The following KALRN variants were observed in gnomAD, a reference collection of about 807,000 sequenced individuals.
KALRN encodes the protein kalirin RhoGEF kinase, also known as kalirin.
KALRN carries 70 observed loss-of-function variants against 353.7 expected under a neutral mutation model. That is an observed-to-expected ratio of 0.20 (90% CI 0.16 to 0.24). KALRN has a LOEUF of 0.24. Ranked by LOEUF, KALRN falls within the 10% of genes least tolerant of loss-of-function variation. The pLI is 1.00. For missense variants in KALRN, 2,791 were observed against 3,756.7 expected, an observed-to-expected ratio of 0.74 and a Z score of 6.72; for synonymous variants, 1,391 against 1,434.8, an observed-to-expected ratio of 0.97 and a Z score of 0.69.
intron 33 of KALRN, among the ~76,000 whole-genome samples, chr3:124,496,985 G>C (rs1225739301): frequency 6.6e-6 from 1 of 152,190 alleles, no homozygotes; most frequent in East Asian, 1.9e-4. Context: ...GAGACAGGAG[G>C]ACCAGGAAGT....
At chr3:124,249,833 C>T (rs980787809) in intron 3 of KALRN, among the ~76,000 whole-genome samples, 10 of 152,200 alleles carry the variant, frequency 6.6e-5, no homozygotes, top group African/African-American at 1.7e-4. Context: ...CAGGGCTCCC[C>T]GACTCCAGCT....
intron 42 of KALRN, among the ~76,000 whole-genome samples, chr3:124,658,854 C>G (rs373389082): frequency 6.6e-6 from 1 of 152,164 alleles, no homozygotes; most frequent in South Asian, 2.1e-4. Context: ...CCCCAGGGAC[C>G]ACTTACTAAG....
At chr3:124,194,682 C>T (rs1199998405) in intron 1 of KALRN, among the ~76,000 whole-genome samples, 1 of 152,104 alleles carries the variant, frequency 6.6e-6, no homozygotes, top group Non-Finnish European at 1.5e-5. Flanking sequence ...AAGTTAGTAT[C>T]TGAGTTAGTA....
In KALRN at chr3:124,355,366, A is replaced by C. The variant is rs965928687; in HGVS notation, c.1770+8101A>C. ...GCCTAATTCTGGAAAATATATTTTT[A>C]AAAAGATATTGACAAAATACACCAC... On this transcript the variant is annotated intron_variant, in intron 10 of 59. Coordinates refer to ENST00000682506, the MANE Select transcript of KALRN (RefSeq NM_001388419.1). Among the ~76,000 whole-genome samples the C allele has an allele frequency of 2.0e-5, 3 of 152,220 alleles. No individual in the cohort carries two copies. In the East Asian group the frequency reaches 5.8e-4, roughly 29 times the overall value.
chr3:124,582,917 G>T (rs541815505), intron 34 of KALRN, among the ~76,000 whole-genome samples: 1 of 152,112 alleles, frequency 6.6e-6, no homozygotes, highest in African/African-American at 2.4e-5. Flanking sequence ...CCACAGGTAT[G>T]GTCCACCAAG....
intron 8 of KALRN, among the ~76,000 whole-genome samples, chr3:124,333,662 C>T (rs925590230): frequency 2.6e-5 from 4 of 152,012 alleles, no homozygotes; most frequent in South Asian, 2.1e-4. Flanking sequence ...CTGAGGTGGG[C>T]GGATCACCTG....
At chr3:124,332,177 C>G (rs912957756) in intron 8 of KALRN, among the ~76,000 whole-genome samples, 5 of 152,150 alleles carry the variant, frequency 3.3e-5, no homozygotes, top group African/African-American at 1.2e-4. Context: ...CTCCTGGCCT[C>G]TGCTGCACTC....
intron 1 of KALRN, among the ~76,000 whole-genome samples, chr3:124,059,920 C>T (rs1051388693): frequency 6.6e-6 from 1 of 152,152 alleles, no homozygotes; most frequent in African/African-American, 2.4e-5. Flanking sequence ...TCTATGGTGG[C>T]CCATGGTATC....
At chr3:124,508,895 C>G (rs1302495347) in intron 33 of KALRN, among the ~76,000 whole-genome samples, 3 of 152,146 alleles carry the variant, frequency 2.0e-5, no homozygotes, top group Non-Finnish European at 4.4e-5. Context: ...ATTCGTGTTT[C>G]CCTGCTTACT....
At chr3:124,461,249 A>T (rs1363074105) in intron 23 of KALRN, among the ~76,000 whole-genome samples, 1 of 151,434 alleles carries the variant, frequency 6.6e-6, no homozygotes. Flanking sequence ...AGCCACACTT[A>T]TTTTTTTTTA....
At chr3:124,245,926 T>G (rs1394595756) in intron 3 of KALRN, among the ~76,000 whole-genome samples, 1 of 152,182 alleles carries the variant, frequency 6.6e-6, no homozygotes, top group East Asian at 1.9e-4. Context: ...ATTTCCAAAT[T>G]TATCAATTTA....
chr3:124,478,324 C>T (rs1326635262), intron 27 of KALRN, among the ~76,000 whole-genome samples: 1 of 152,126 alleles, frequency 6.6e-6, no homozygotes, highest in Non-Finnish European at 1.5e-5. Context: ...CTACTTTATG[C>T]AAGATAGTGG....
intron 15 of KALRN, among the ~76,000 whole-genome samples, chr3:124,428,743 G>A (rs1393469926): frequency 1.3e-5 from 2 of 152,178 alleles, no homozygotes; most frequent in East Asian, 3.8e-4. Context: ...TTAAAAAGTA[G>A]GTACTGAAAC....
rs1490165363 is a variant in KALRN, at chr3:124,033,656, G to A, written c.-85G>A. Among the ~76,000 whole-genome samples the A allele has an allele frequency of 6.6e-6, 1 of 151,668 alleles. No individual in the cohort carries two copies. Among genetic ancestry groups the A allele is most frequent in the Admixed American group, 6.6e-5 (1 of 15,242 alleles). ...TCTGCGGCCGCAGCAGCTGCGCCCC[G>A]CGCCCTCCGCCCACCGGGCGCCGAG... is the stretch of plus-strand genomic sequence containing the variant. On this transcript the variant is annotated 5_prime_UTR_variant, in exon 1 of 60. Coordinates refer to ENST00000682506, the MANE Select transcript of KALRN (RefSeq NM_001388419.1). This position sits in a 1 kb window ranked among gnomAD's most constrained non-coding sequence, Gnocchi z 6.2.
At chr3:124,717,941 A>G (rs7629919) in intron 59 of KALRN, among the ~76,000 whole-genome samples, 3 of 151,236 alleles carry the variant, frequency 2.0e-5, no homozygotes, top group Non-Finnish European at 4.4e-5. Flanking sequence ...CCTCCCAAGT[A>G]GCTGGGATTA....
chr3:124,343,346 G>A (rs1363944897), intron 9 of KALRN, among the ~76,000 whole-genome samples: 1 of 152,018 alleles, frequency 6.6e-6, no homozygotes, highest in Non-Finnish European at 1.5e-5. Context: ...TTTTTGTAGA[G>A]ACAGAGTTTT....
chr3:124,228,090 G>C (rs767938273), intron 2 of KALRN, 26 bp downstream of exon 2: 2 of 1,572,828 alleles, frequency 1.3e-6, no homozygotes, highest in Non-Finnish European at 1.8e-6. Context: ...ACTTTCTTTT[G>C]TAAAGGACCT....
intron 21 of KALRN, among the ~76,000 whole-genome samples, chr3:124,454,671 G>GT (rs56042332): frequency 0.74 from 112,485 of 151,080 alleles, 43,373 homozygotes; most frequent in Middle Eastern, 0.88. Context: ...AACTGAAAAT[G>GT]TTTTTTTTTC....
chr3:124,584,782 C>A, intron 34 of KALRN: 1 of 1,571,998 alleles, frequency 6.4e-7, no homozygotes, highest in East Asian at 2.4e-5. Context: ...CCCGGGCTGG[C>A]GCCCCGTGCC....
Sources: allele counts gnomAD v4.1 joint callset (sites outside exome capture counted in the v4.1 genomes callset), GRCh38; gene constraint gnomAD v4.1.1; non-coding constraint Gnocchi (gnomAD v3.1); transcripts MANE v1.5; gene names NCBI Gene and HGNC (gene_info 2026-07-23, HGNC 2026-07-21).